The following LRP1B variants were observed in gnomAD, a reference collection of about 807,000 sequenced individuals.
LRP1B encodes the protein LDL receptor related protein 1B, also known as low-density lipoprotein receptor-related protein 1B.
Under a neutral mutation model 556.6 loss-of-function variants are expected in LRP1B, and 217 were observed. That is an observed-to-expected ratio of 0.39 (90% CI 0.35 to 0.44). The LOEUF (loss-of-function observed/expected upper bound fraction) is 0.44, where lower values mean the gene tolerates loss of function less well. LRP1B is among the 20% of genes least tolerant of loss of function. LRP1B has a pLI of 1.00. For missense variants in LRP1B, 5,053 were observed against 5,620.8 expected (o/e 0.90, Z 3.23); for synonymous variants, 2,047 against 1,865.8 (o/e 1.10, Z -2.50).
chr2:140,307,131 T>C (rs1684101137), intron 83 of LRP1B, among the ~76,000 whole-genome samples: 1 of 151,946 alleles, frequency 6.6e-6, no homozygotes, highest in East Asian at 1.9e-4. Flanking sequence ...ACAATATCAA[T>C]TTGGTGCAGT....
intron 35 of LRP1B, among the ~76,000 whole-genome samples, chr2:140,724,760 T>C (rs892925141): frequency 3.9e-5 from 6 of 151,924 alleles, no homozygotes; most frequent in Admixed American, 3.3e-4. Flanking sequence ...TATAAAGTCA[T>C]AGTACTAATG....
At chr2:141,448,101 G>A (rs1006618504) in intron 3 of LRP1B, among the ~76,000 whole-genome samples, 1 of 152,208 alleles carries the variant, frequency 6.6e-6, no homozygotes, top group Non-Finnish European at 1.5e-5. Context: ...CTTTCTTTCA[G>A]AGATGCCATG....
At chr2:141,731,675 T>C (rs1441453277) in intron 2 of LRP1B, among the ~76,000 whole-genome samples, 1 of 152,126 alleles carries the variant, frequency 6.6e-6, no homozygotes, top group Non-Finnish European at 1.5e-5. Context: ...CGAGCTAGAC[T>C]ATCCAGTTCA....
chr2:140,755,403 C>T lies in LRP1B; in HGVS notation c.5758+13810G>A, dbSNP rs74751748. ...CCAACATCTTTTATCAATATAGACACAAAAATCTTCAACAAAATACTAGTG... is the reference window on the plus strand; with the variant it reads ...CCAACATCTTTTATCAATATAGACATAAAAATCTTCAACAAAATACTAGTG... On this transcript the variant is annotated intron_variant, in intron 35 of 90. Transcript: ENST00000389484. 5.5e-4 allele frequency among the ~76,000 whole-genome samples: 83 copies of T among 152,018 alleles called. No individual in the cohort carries two copies. In the East Asian group the frequency reaches 0.015, roughly 27 times the overall value.
At chr2:140,589,944 G>A (rs1183246647) in intron 43 of LRP1B, among the ~76,000 whole-genome samples, 1 of 152,066 alleles carries the variant, frequency 6.6e-6, no homozygotes, top group East Asian at 1.9e-4. Context: ...CCACATAAGT[G>A]TCTATACCCT....
intron 1 of LRP1B, among the ~76,000 whole-genome samples, chr2:142,060,406 G>T (rs1272638842): frequency 2.0e-5 from 3 of 152,052 alleles, no homozygotes; most frequent in African/African-American, 7.2e-5. Context: ...AAAATCTATT[G>T]TCAGGGACAC....
At chr2:140,954,528 A>G (rs1265936546) in intron 18 of LRP1B, among the ~76,000 whole-genome samples, 3 of 152,064 alleles carry the variant, frequency 2.0e-5, no homozygotes. Flanking sequence ...AACTTTTGAA[A>G]CTGATGATAC....
chr2:142,057,927 C>T (rs755504792), intron 1 of LRP1B, among the ~76,000 whole-genome samples: 2 of 152,122 alleles, frequency 1.3e-5, no homozygotes, highest in Non-Finnish European at 2.9e-5. Context: ...CCAGTACTTA[C>T]TCTTGAACCC....
chr2:140,391,390 G>A (rs2105210071), intron 66 of LRP1B, among the ~76,000 whole-genome samples: 1 of 152,232 alleles, frequency 6.6e-6, no homozygotes, highest in South Asian at 2.1e-4. Context: ...TGGGAGAATT[G>A]ACTGAAAGGA....
At chr2:140,810,546 T>G (rs1260703518) in intron 32 of LRP1B, among the ~76,000 whole-genome samples, 1 of 148,408 alleles carries the variant, frequency 6.7e-6, no homozygotes, top group Non-Finnish European at 1.5e-5. Context: ...TCTTCTCAAA[T>G]AGAAGGGGTG....
At chr2:142,042,108 G>A (rs771427803) in intron 1 of LRP1B, among the ~76,000 whole-genome samples, 5 of 151,304 alleles carry the variant, frequency 3.3e-5, no homozygotes, top group African/African-American at 4.8e-5. Flanking sequence ...TGCATAATGT[G>A]TGCTGTAAGC....
intron 2 of LRP1B, among the ~76,000 whole-genome samples, chr2:141,528,117 C>A (rs1360321894): frequency 6.6e-6 from 1 of 151,660 alleles, no homozygotes; most frequent in Admixed American, 6.6e-5. Flanking sequence ...TGTCTCCACG[C>A]TCCCTCTTCC....
chr2:141,690,553 C>T (rs1691489508), intron 2 of LRP1B, among the ~76,000 whole-genome samples: 1 of 149,116 alleles, frequency 6.7e-6, no homozygotes, highest in African/African-American at 2.5e-5. Context: ...CAGTTGGGGT[C>T]AACTGCAAAT....
chr2:140,408,761 A>C (rs998076827), intron 66 of LRP1B, among the ~76,000 whole-genome samples: 2 of 152,016 alleles, frequency 1.3e-5, no homozygotes, highest in African/African-American at 4.8e-5. Flanking sequence ...ACATGTCTAC[A>C]TCAGAGAAAA....
intron 3 of LRP1B, among the ~76,000 whole-genome samples, chr2:141,351,923 G>A (rs1265810305): frequency 1.3e-5 from 2 of 151,856 alleles, no homozygotes; most frequent in African/African-American, 4.8e-5. Flanking sequence ...CACAGATGGA[G>A]GGTTGAGGAA....
intron 1 of LRP1B, among the ~76,000 whole-genome samples, chr2:141,908,338 T>C (rs747813583): frequency 7.9e-5 from 12 of 152,070 alleles, no homozygotes; most frequent in Admixed American, 3.3e-4. Context: ...TCTGTCTTTG[T>C]TAAATAATTA....
intron 1 of LRP1B, among the ~76,000 whole-genome samples, chr2:141,939,881 C>T (rs921535777): frequency 1.3e-5 from 2 of 152,120 alleles, no homozygotes; most frequent in Admixed American, 1.3e-4. Context: ...CTGGACAGCC[C>T]TTTTCTGTAA....
chr2:141,915,205 G>A (rs1374332780), intron 1 of LRP1B, among the ~76,000 whole-genome samples: 1 of 152,100 alleles, frequency 6.6e-6, no homozygotes, highest in East Asian at 1.9e-4. Context: ...CGCACCTATA[G>A]CCATCTGATT....
At chr2:141,126,876 A>T (rs1701227861) in intron 7 of LRP1B, among the ~76,000 whole-genome samples, 1 of 152,158 alleles carries the variant, frequency 6.6e-6, no homozygotes, top group Admixed American at 6.5e-5. Context: ...CTTTTCTTTT[A>T]AATTATACTT....
Sources: gnomAD v4.1 joint callset for allele counts (sites outside exome capture counted in the v4.1 genomes callset) on GRCh38, gnomAD v4.1.1 for gene constraint, MANE v1.5 for transcripts, NCBI Gene and HGNC (gene_info 2026-07-23, HGNC 2026-07-21) for gene names.